LOC128092253: variants seen among roughly 807,000 people sequenced by gnomAD.
the LOC128092253 span, among the ~76,000 whole-genome samples, chr6:133,971,067 A>G: frequency 2.9e-4 from 44 of 152,072 alleles, no homozygotes; most frequent in African/African-American, 1.0e-3. Flanking sequence ...TTTTAAATCA[A>G]TTGACCAACC....
the LOC128092253 span, among the ~76,000 whole-genome samples, chr6:133,968,531 A>C: frequency 6.6e-6 from 1 of 152,278 alleles, no homozygotes; most frequent in African/African-American, 2.4e-5. Context: ...AAAATTTGTG[A>C]GTTTTTTTAT....
the LOC128092253 span, among the ~76,000 whole-genome samples, chr6:133,955,332 C>T: frequency 4.6e-5 from 7 of 151,142 alleles, no homozygotes; most frequent in Admixed American, 6.6e-5. Flanking sequence ...TGCTCTCCTC[C>T]GCCCCAATAC....
At chr6:133,961,459 TTC>T in the LOC128092253 span, among the ~76,000 whole-genome samples, 1 of 142,178 alleles carries the variant, frequency 7.0e-6, no homozygotes, top group African/African-American at 2.7e-5. Flanking sequence ...TTAAGATTCT[TTC>T]TTTCTTTTTT....
At chr6:133,965,167 C>T in the LOC128092253 span, among the ~76,000 whole-genome samples, 4 of 152,134 alleles carry the variant, frequency 2.6e-5, no homozygotes, top group South Asian at 2.1e-4. Context: ...GTTTTGTTAG[C>T]ATTAATTTAA....
At chr6:133,970,193 A>G in the LOC128092253 span, among the ~76,000 whole-genome samples, 1 of 152,174 alleles carries the variant, frequency 6.6e-6, no homozygotes, top group African/African-American at 2.4e-5. Flanking sequence ...TTCAGTTGAG[A>G]ACAACTACTC....
At chr6:133,979,756 C>G in the LOC128092253 span, among the ~76,000 whole-genome samples, 2 of 152,098 alleles carry the variant, frequency 1.3e-5, no homozygotes, top group Non-Finnish European at 2.9e-5. Flanking sequence ...AAGTGATTCT[C>G]CCACCTCAGC....
chr6:133,966,749 A>G, the LOC128092253 span, among the ~76,000 whole-genome samples: 2 of 152,046 alleles, frequency 1.3e-5, no homozygotes, highest in Non-Finnish European at 2.9e-5. Flanking sequence ...TCCCCATATC[A>G]ATCAGAAAAT....
chr6:133,959,744 A>G, the LOC128092253 span, among the ~76,000 whole-genome samples: 1 of 152,078 alleles, frequency 6.6e-6, no homozygotes, highest in East Asian at 1.9e-4. Flanking sequence ...CAGCCTCCCA[A>G]AGTGTTGGAA....
the LOC128092253 span, among the ~76,000 whole-genome samples, chr6:133,966,518 A>G: frequency 6.6e-6 from 1 of 152,122 alleles, no homozygotes; most frequent in African/African-American, 2.4e-5. Context: ...CTTAACCTAG[A>G]CCTGTCCTGA....
At chr6:133,961,870 C>G in the LOC128092253 span, among the ~76,000 whole-genome samples, 1 of 152,090 alleles carries the variant, frequency 6.6e-6, no homozygotes, top group East Asian at 1.9e-4. Flanking sequence ...AGATCACATT[C>G]TCTTGATTAT....
the LOC128092253 span, among the ~76,000 whole-genome samples, chr6:133,971,644 TATCTCA>T: frequency 6.6e-6 from 1 of 152,160 alleles, no homozygotes; most frequent in African/African-American, 2.4e-5. Context: ...AGTGAGGTGG[TATCTCA>T]TTGTGGTTTT....
chr6:133,961,706 C>A, the LOC128092253 span, among the ~76,000 whole-genome samples: 8 of 152,062 alleles, frequency 5.3e-5, no homozygotes, highest in Non-Finnish European at 1.2e-4. Context: ...CCTCGTGATC[C>A]ATGCGCCTTG....
the LOC128092253 span, among the ~76,000 whole-genome samples, chr6:133,954,062 C>G: frequency 6.6e-6 from 1 of 152,028 alleles, no homozygotes; most frequent in Non-Finnish European, 1.5e-5. Flanking sequence ...TAAAAATAGC[C>G]AATAAAAGCC....
At chr6:133,957,185 A>G in the LOC128092253 span, among the ~76,000 whole-genome samples, 1 of 152,196 alleles carries the variant, frequency 6.6e-6, no homozygotes, top group Non-Finnish European at 1.5e-5. Context: ...AAAACTCAAT[A>G]GGGTGATTTC....
the LOC128092253 span, among the ~76,000 whole-genome samples, chr6:133,976,850 G>A: frequency 7.9e-5 from 12 of 151,956 alleles, no homozygotes; most frequent in African/African-American, 2.9e-4. Context: ...AGCTGAGCAT[G>A]GTGGTGGGTG....
the LOC128092253 span, among the ~76,000 whole-genome samples, chr6:133,970,849 A>C: frequency 6.6e-6 from 1 of 152,108 alleles, no homozygotes; most frequent in Admixed American, 6.6e-5. Context: ...ATGATTGTAC[A>C]TATTATACAT....
At chr6:133,954,952 G>T in the LOC128092253 span, among the ~76,000 whole-genome samples, 1 of 152,182 alleles carries the variant, frequency 6.6e-6, no homozygotes, top group South Asian at 2.1e-4. Context: ...TTGAGGTCCA[G>T]TGTCTGTTAA....
chr6:133,961,742 G>C, the LOC128092253 span, among the ~76,000 whole-genome samples: 3 of 152,100 alleles, frequency 2.0e-5, no homozygotes, highest in Non-Finnish European at 2.9e-5. Context: ...GGGATTACAG[G>C]TGTGACCCAC....
the LOC128092253 span, among the ~76,000 whole-genome samples, chr6:133,953,783 C>G: frequency 6.6e-6 from 1 of 152,054 alleles, no homozygotes; most frequent in South Asian, 2.1e-4. Context: ...AAAGAGATTC[C>G]TCATCTGTCT....
Sources: allele counts gnomAD v4.1 joint callset (sites outside exome capture counted in the v4.1 genomes callset), GRCh38; gene constraint gnomAD v4.1.1; transcripts MANE v1.5.